The following MTMR9 variants were observed in gnomAD, a reference collection of about 807,000 sequenced individuals.
The protein encoded by MTMR9 is myotubularin-related protein 9.
In MTMR9, 39 loss-of-function variants were observed where a neutral mutation model predicts 69.5. That is an observed-to-expected ratio of 0.56 (90% CI 0.43 to 0.73). The LOEUF (loss-of-function observed/expected upper bound fraction) is 0.73, where lower values mean the gene tolerates loss of function less well. Ranked by LOEUF, MTMR9 falls within the 30% of genes least tolerant of loss-of-function variation. The pLI is 0.00. For synonymous variants in MTMR9, 354 were observed against 240.8 expected (o/e 1.47, Z -4.35); for missense variants, 900 against 671.2 (o/e 1.34, Z -3.77).
rs1800857698 is a variant in MTMR9 at position 11,324,856 on chromosome 8, CTAAG to C, written c.*2072_*2075del. 6.6e-6 allele frequency: 1 copy of C among 152,202 alleles called. No homozygotes were observed. Among genetic ancestry groups the C allele is most frequent in the Non-Finnish European group, 1.5e-5 (1 of 68,106 alleles). 9.4% of individuals were successfully genotyped at this position (152,202 alleles called of 1,614,324 possible). On this transcript the variant is annotated 3_prime_UTR_variant, in exon 10 of 10. Coordinates refer to ENST00000221086, the MANE Select transcript of MTMR9 (RefSeq NM_015458.4). ...TGAGCAACAGAGCGAGACCCTGTGTCTAAGTAAAGAAAAAGCCAGAAGTGACTCC... is the reference window on the plus strand; with the variant it reads ...TGAGCAACAGAGCGAGACCCTGTGTCTAAAGAAAAAGCCAGAAGTGACTCC...
downstream of MTMR9, among the ~76,000 whole-genome samples, chr8:11,330,071 T>G (rs539988047): frequency 2.9e-3 from 436 of 149,694 alleles, no homozygotes; most frequent in African/African-American, 0.011. Context: ...GAGGAGCGTC[T>G]CCGCCTGGCA....
intron 1 of MTMR9, among the ~76,000 whole-genome samples, chr8:11,290,918 T>C (rs1352437647): frequency 1.3e-5 from 2 of 150,016 alleles, no homozygotes; most frequent in Non-Finnish European, 3.0e-5. Context: ...TATGTTTCCA[T>C]GCAATTTTGG....
Position 11,327,088 on chromosome 8 carries a change from T to TTACTTC in MTMR9, c.*4304_*4309dup, listed in dbSNP as rs1800968895. ...GTTTTCTTTATTTTCTTGAATAAAA[T>TTACTTC]TACTTCTACCTTCATTTGGTCTTTA... On this transcript the variant is annotated 3_prime_UTR_variant, in exon 10 of 10. Transcript: ENST00000221086. 1 of 152,158 alleles carries TTACTTC rather than the reference T, an allele frequency of 6.6e-6. No homozygotes were observed. The allele number at this position is 152,158 out of a possible 1,614,324, so 9.4% of individuals were successfully genotyped here.
downstream of MTMR9, chr8:11,331,151 C>G (rs781133735): frequency 3.7e-6 from 6 of 1,611,154 alleles, no homozygotes; most frequent in African/African-American, 8.0e-5. Context: ...ACTCCACACA[C>G]CCATCGCCGC....
chr8:11,292,190 T>C (rs557843445), intron 1 of MTMR9, among the ~76,000 whole-genome samples: 1 of 152,326 alleles, frequency 6.6e-6, no homozygotes, highest in African/African-American at 2.4e-5. Flanking sequence ...TGCTGAGTAC[T>C]AAGTGTCCAT....
chr8:11,292,570 A>G (rs1799409909), intron 1 of MTMR9, among the ~76,000 whole-genome samples: 1 of 152,146 alleles, frequency 6.6e-6, no homozygotes, highest in African/African-American at 2.4e-5. Context: ...TGTGGCTTAA[A>G]TTTGCATTTC....
At position 11,322,827 on chromosome 8, in the gene MTMR9, C is replaced by G; in HGVS notation, c.*39C>G. 1 of 1,578,582 alleles carries G rather than the reference C, an allele frequency of 6.3e-7. No individual in the cohort carries two copies. The highest frequency in any genetic ancestry group is 8.6e-7 in the Non-Finnish European group (1 of 1,160,528). The stretch of plus-strand genomic sequence containing the variant: ...ACCCTTCGCAAGGACCTTCTTGGGC[C>G]TGTGTCCGCCGTTCTCTCCTTGTGC... On this transcript the variant is annotated 3_prime_UTR_variant, in exon 10 of 10. Coordinates refer to ENST00000221086, the MANE Select transcript of MTMR9 (RefSeq NM_015458.4).
chr8:11,309,998 G>A (rs1800131202), intron 6 of MTMR9, among the ~76,000 whole-genome samples: 1 of 151,342 alleles, frequency 6.6e-6, no homozygotes, highest in Non-Finnish European at 1.5e-5. Flanking sequence ...TTCTTAAACT[G>A]TGAAATAGAA....
rs980593262 is a variant in MTMR9, at chr8:11,325,339, C to T, written c.*2551C>T. On this transcript the variant is annotated 3_prime_UTR_variant, in exon 10 of 10. Coordinates refer to ENST00000221086, the MANE Select transcript of MTMR9 (RefSeq NM_015458.4). ...ACCTGGATGAGAAGAATAAATGACA[C>T]GGATACACTCCTGAGAAGACACTCG... 5 of 152,296 alleles carry T rather than the reference C, an allele frequency of 3.3e-5. No individual in the cohort carries two copies. The highest frequency in any genetic ancestry group is 7.2e-5 in the African/African-American group (3 of 41,580). The allele number at this position is 152,296 out of a possible 1,614,324, so 9.4% of individuals were successfully genotyped here.
rs1800916199 is a variant in MTMR9, at chr8:11,326,026, A to G, written c.*3238A>G. On this transcript the variant is annotated 3_prime_UTR_variant, in exon 10 of 10. Transcript: ENST00000221086. ...ATTTTATTGCTTTTTGTTTTAAAGG[A>G]TGAAATTTTGTGGGGTTTTAGTCTT... 1.3e-5 allele frequency: 2 copies of G among 152,156 alleles called. No individual in the cohort carries two copies. Among genetic ancestry groups the G allele is most frequent in the African/African-American group, 2.4e-5 (1 of 41,442 alleles). 9.4% of individuals were successfully genotyped at this position (152,156 alleles called of 1,614,324 possible).
Position 11,323,047 on chromosome 8 carries a change from A to T in MTMR9, c.*259A>T, listed in dbSNP as rs1034696237. ...GTCATTTTATTTTTACGTGAAATAG[A>T]TGACCTATTTAATGCCATTTGTGTT... On this transcript the variant is annotated 3_prime_UTR_variant, in exon 10 of 10. Coordinates refer to ENST00000221086, the MANE Select transcript of MTMR9 (RefSeq NM_015458.4). The T allele has an allele frequency of 1.7e-5, 5 of 286,972 alleles. No individual in the cohort carries two copies. The highest frequency in any genetic ancestry group is 6.6e-5 in the African/African-American group (3 of 45,532). 17.8% of individuals were successfully genotyped at this position (286,972 alleles called of 1,614,324 possible). A position where few individuals can be genotyped will look rare whatever the true frequency, so the allele number is the denominator to read the frequency against.
intron 2 of MTMR9, among the ~76,000 whole-genome samples, 192 bp from the exon 3 acceptor site, chr8:11,299,831 G>T (rs370477186): frequency 6.7e-6 from 1 of 150,242 alleles, no homozygotes; most frequent in East Asian, 2.0e-4. Context: ...AGATGCCTTT[G>T]TTAGATACTA....
At chr8:11,310,269 G>A (rs896793068) in intron 6 of MTMR9, among the ~76,000 whole-genome samples, 2 of 152,198 alleles carry the variant, frequency 1.3e-5, no homozygotes, top group Admixed American at 6.5e-5. Flanking sequence ...TAATCCTTGA[G>A]TCTTGTGGCA....
At position 11,326,451 on chromosome 8, in the gene MTMR9, C is replaced by G. The variant is rs1800932682; in HGVS notation, c.*3663C>G. On this transcript the variant is annotated 3_prime_UTR_variant, in exon 10 of 10. Transcript: ENST00000221086. ...AAATTTATCAGAGAATGAAGTCATT[C>G]AGTACATCTGATAAAGTTTTGTTGT... 1 of 148,798 alleles carries G rather than the reference C, an allele frequency of 6.7e-6. No homozygotes were observed. The highest frequency in any genetic ancestry group is 2.5e-5 in the African/African-American group (1 of 40,114). 9.2% of individuals were successfully genotyped at this position (148,798 alleles called of 1,614,324 possible).
intron 1 of MTMR9, among the ~76,000 whole-genome samples, chr8:11,286,912 C>T (rs1449798602): frequency 6.6e-6 from 1 of 152,114 alleles, no homozygotes. Context: ...TTGACTTCTT[C>T]CTTCTGCTGG....
chr8:11,306,364 G>T lies in MTMR9; in HGVS notation c.766G>T (p.Ala256Ser). The T allele has an allele frequency of 1.9e-6, 3 of 1,614,058 alleles. No homozygotes were observed. The highest frequency in any genetic ancestry group is 2.5e-6 in the Non-Finnish European group (3 of 1,179,950). The change falls in exon 5 of 10, where the codon GCT (alanine) becomes TCT (serine). Residue 256 changes from alanine (A) to serine (S), a missense_variant. Physicochemically the swap from Ala to Ser is moderately conservative, Grantham distance 99. Transcript: ENST00000221086. ...CAAAGGAGGTGGCTTTGAACAAGAA[G>T]CTCATTATCCTCAGTGGAGGCGAAT... is the stretch of plus-strand genomic sequence containing the variant. ...RAKGGGFEQE[A>S]HYPQWRRIHK...
At chr8:11,305,206 T>G (rs558890196) in intron 4 of MTMR9, among the ~76,000 whole-genome samples, 192 bp downstream of exon 4, 1 of 152,342 alleles carries the variant, frequency 6.6e-6, no homozygotes, top group African/African-American at 2.4e-5. Flanking sequence ...TGATGCTGAA[T>G]TCTTTCCATG....
downstream of MTMR9, chr8:11,331,748 C>T: frequency 3.1e-6 from 5 of 1,611,988 alleles, no homozygotes; most frequent in Non-Finnish European, 4.2e-6. Flanking sequence ...GTTCTCTGCA[C>T]TTTCCCTCCT....
At position 11,324,076 on chromosome 8, in the gene MTMR9, A is replaced by T. The variant is rs1399894542; in HGVS notation, c.*1288A>T. ...TATGACCGAGTCTAGTTTTTCTTTAAAAGGATAGTTTATGAGTAATCTTTA... is the reference window on the plus strand; with the variant it reads ...TATGACCGAGTCTAGTTTTTCTTTATAAGGATAGTTTATGAGTAATCTTTA... On this transcript the variant is annotated 3_prime_UTR_variant, in exon 10 of 10. Transcript: ENST00000221086. 2 of 152,194 alleles carry T rather than the reference A, an allele frequency of 1.3e-5. No individual in the cohort carries two copies. Among genetic ancestry groups the T allele is most frequent in the African/African-American group, 4.8e-5 (2 of 41,426 alleles). The allele number at this position is 152,194 out of a possible 1,614,324, so 9.4% of individuals were successfully genotyped here.
Sources: allele counts gnomAD v4.1 joint callset (sites outside exome capture counted in the v4.1 genomes callset), GRCh38; gene constraint gnomAD v4.1.1; transcripts MANE v1.5; gene names NCBI Gene and HGNC (gene_info 2026-07-23, HGNC 2026-07-21).